ACTR3B: variants seen among roughly 807,000 people sequenced by gnomAD.
ACTR3B encodes actin-related protein 3B.
A neutral mutation model predicts 59.0 loss-of-function variants in ACTR3B; 8 were observed. The ratio of observed to expected loss-of-function variants is 0.14; its 90% CI spans 0.08 to 0.24. The LOEUF (loss-of-function observed/expected upper bound fraction) is 0.24. Among genes scored for constraint, ACTR3B ranks in the 10% least tolerant of loss-of-function variants. The pLI, the probability that ACTR3B is intolerant of heterozygous loss-of-function variation, is 1.00. For missense variants in ACTR3B, 245 were observed against 552.3 expected, an observed-to-expected ratio of 0.44 and a Z score of 5.58; for synonymous variants, 148 against 197.9, an observed-to-expected ratio of 0.75 and a Z score of 2.12.
At chr7:152,785,493 C>G (rs868377870) in intron 2 of ACTR3B, among the ~76,000 whole-genome samples, 43 of 58,594 alleles carry the variant, frequency 7.3e-4, no homozygotes, top group East Asian at 2.5e-3. Context: ...GAGAGAGAGA[C>G]AGAGAGAGAG....
intron 2 of ACTR3B, among the ~76,000 whole-genome samples, chr7:152,796,396 C>A (rs1293655894): frequency 1.3e-5 from 2 of 150,414 alleles, no homozygotes; most frequent in Non-Finnish European, 3.0e-5. Flanking sequence ...TCAGTTCCGC[C>A]AGTCACAAAT....
intron 8 of ACTR3B, among the ~76,000 whole-genome samples, chr7:152,823,861 A>G (rs1796376852): frequency 6.6e-6 from 1 of 152,220 alleles, no homozygotes; most frequent in African/African-American, 2.4e-5. Flanking sequence ...TTGCCTGTGC[A>G]TAAGAGTGGG....
chr7:152,817,554 A>AT (rs1410435028), intron 6 of ACTR3B, among the ~76,000 whole-genome samples: 1 of 151,704 alleles, frequency 6.6e-6, no homozygotes, highest in Admixed American at 6.6e-5. Flanking sequence ...TCTTAAATTC[A>AT]TTTTTTTTGG....
At chr7:152,849,540 G>A (rs1798629487) in intron 9 of ACTR3B, among the ~76,000 whole-genome samples, 1 of 152,210 alleles carries the variant, frequency 6.6e-6, no homozygotes, top group Non-Finnish European at 1.5e-5. Flanking sequence ...TTAGCCCAGG[G>A]GTGTCCAACC....
chr7:152,765,794 A>C (rs1309575516), intron 1 of ACTR3B, among the ~76,000 whole-genome samples: 1 of 152,006 alleles, frequency 6.6e-6, no homozygotes, highest in Non-Finnish European at 1.5e-5. Flanking sequence ...AAAGAAAAAA[A>C]AAAGTTTATT....
chr7:152,774,157 A>C (rs193225930), intron 1 of ACTR3B, among the ~76,000 whole-genome samples: 2 of 151,962 alleles, frequency 1.3e-5, no homozygotes, highest in African/African-American at 4.8e-5. Context: ...GTTTTTTGAG[A>C]TGGAGTTTTG....
chr7:152,823,218 A>G, intron 7 of ACTR3B, 124 bp from the exon 8 acceptor site: 1 of 1,346,150 alleles, frequency 7.4e-7, no homozygotes, highest in South Asian at 1.4e-5. Flanking sequence ...TCCACACTAG[A>G]GTTACGGTGG....
rs1003629796 is a variant in ACTR3B, at chr7:152,855,088, T to C, written c.*535T>C. On this transcript the variant is annotated 3_prime_UTR_variant, in exon 12 of 12. Transcript: ENST00000256001. ...TGTTATGGAGTGCTGTAATCCAAAG[T>C]TTTTAATTGTGAGGCATGTTCTGAT... 6.5e-6 allele frequency: 1 copy of C among 153,282 alleles called. No homozygotes were observed. The highest frequency in any genetic ancestry group is 1.5e-5 in the Non-Finnish European group (1 of 68,556). The allele number at this position is 153,282 out of a possible 1,614,324, so 9.5% of individuals were successfully genotyped here.
chr7:152,791,511 T>TAA (rs1475907423), intron 2 of ACTR3B, among the ~76,000 whole-genome samples: 5 of 152,268 alleles, frequency 3.3e-5, no homozygotes, highest in African/African-American at 1.2e-4. Context: ...GGTTACATCT[T>TAA]ACAAATTGTA....
At chr7:152,778,226 GATT>G (rs1459982172) in intron 1 of ACTR3B, among the ~76,000 whole-genome samples, 1 of 101,456 alleles carries the variant, frequency 9.9e-6, no homozygotes, top group Non-Finnish European at 2.2e-5. Flanking sequence ...ATTGAGCCTA[GATT>G]TTTTTTTTTT....
chr7:152,773,765 A>C (rs1165115963), intron 1 of ACTR3B, among the ~76,000 whole-genome samples: 1 of 152,214 alleles, frequency 6.6e-6, no homozygotes, highest in Non-Finnish European at 1.5e-5. Flanking sequence ...CTGCCAGTTA[A>C]CTGTGGGTGC....
intron 1 of ACTR3B, 54 bp from the exon 2 acceptor site, chr7:152,783,133 A>T (rs1429647798): frequency 1.4e-6 from 1 of 736,912 alleles, no homozygotes; most frequent in Non-Finnish European, 2.4e-6. Flanking sequence ...CATTAATCCA[A>T]TATAGACGAG....
At chr7:152,800,727 G>A (rs1242893959) in intron 3 of ACTR3B, 72 bp downstream of exon 3, 1 of 1,528,216 alleles carries the variant, frequency 6.5e-7, no homozygotes, top group African/African-American at 1.4e-5. Context: ...TGGTCATCTA[G>A]AAGTTGTATT....
chr7:152,806,507 G>A (rs1195577848), intron 4 of ACTR3B, among the ~76,000 whole-genome samples: 3 of 152,210 alleles, frequency 2.0e-5, no homozygotes, highest in Non-Finnish European at 4.4e-5. Flanking sequence ...GTAGAGTCCA[G>A]TGCTGATATG....
intron 9 of ACTR3B, among the ~76,000 whole-genome samples, chr7:152,850,763 AT>A (rs138869944): frequency 0.064 from 9,625 of 151,480 alleles, 478 homozygotes; most frequent in Middle Eastern, 0.13. Flanking sequence ...AGAAAAGTGC[AT>A]TTTTTTTTCC....
At chr7:152,838,509 A>G (rs1248135724) in intron 9 of ACTR3B, among the ~76,000 whole-genome samples, 1 of 152,008 alleles carries the variant, frequency 6.6e-6, no homozygotes, top group Non-Finnish European at 1.5e-5. Context: ...CACAGGGAGG[A>G]GAACACCACA....
intron 2 of ACTR3B, among the ~76,000 whole-genome samples, chr7:152,793,675 G>A (rs1322466859): frequency 7.1e-6 from 1 of 139,886 alleles, no homozygotes; most frequent in African/African-American, 2.7e-5. Flanking sequence ...GTGTTATCTC[G>A]GTGGCATTGT....
chr7:152,807,777 C>G (rs548291086), intron 4 of ACTR3B, among the ~76,000 whole-genome samples: 1 of 152,312 alleles, frequency 6.6e-6, no homozygotes, highest in East Asian at 1.9e-4. Context: ...CTTTTGCGAG[C>G]TGTCTGTTCA....
At position 152,824,993 on chromosome 7, in the gene ACTR3B, A is replaced by T. The variant is rs780802549; in HGVS notation, c.859-37A>T. The T allele has an allele frequency of 1.3e-6, 2 of 1,595,678 alleles. No homozygotes were observed. Among genetic ancestry groups the T allele is most frequent in the Non-Finnish European group, 1.7e-6 (2 of 1,168,114 alleles). ...GTGCATGTTGTTCTATTTGAGAGAA[A>T]TGTGTAATGTTTCTTTTATATTGAT... On this transcript the variant is annotated intron_variant, in intron 8 of 11. Coordinates refer to ENST00000256001, the MANE Select transcript of ACTR3B (RefSeq NM_020445.6). This position sits in a 1 kb window ranked among gnomAD's most constrained non-coding sequence, Gnocchi z 4.2.
Sources: gnomAD v4.1 joint callset for allele counts (sites outside exome capture counted in the v4.1 genomes callset) on GRCh38, gnomAD v4.1.1 for gene constraint, Gnocchi (gnomAD v3.1) non-coding constraint, MANE v1.5 for transcripts, NCBI Gene and HGNC (gene_info 2026-07-23, HGNC 2026-07-21) for gene names.